TACC2: variants seen among roughly 807,000 people sequenced by gnomAD.
TACC2 encodes transforming acidic coiled-coil-containing protein 2.
A neutral mutation model predicts 227.3 loss-of-function variants in TACC2; 137 were observed. The observed-to-expected ratio is 0.60, with a 90% CI of 0.52 to 0.69. TACC2 has a LOEUF of 0.69. Ranked by LOEUF, TACC2 falls within the 30% of genes least tolerant of loss-of-function variation. The pLI, the probability that TACC2 is intolerant of heterozygous loss-of-function variation, is 0.00. For synonymous variants in TACC2, 1,523 were observed against 1,487.5 expected, an observed-to-expected ratio of 1.02 and a Z score of -0.55; for missense variants, 3,470 against 3,694.4, an observed-to-expected ratio of 0.94 and a Z score of 1.57.
intron 13 of TACC2, among the ~76,000 whole-genome samples, chr10:122,227,548 G>T (rs1398978302): frequency 6.6e-6 from 1 of 152,312 alleles, no homozygotes; most frequent in African/African-American, 2.4e-5. Context: ...GGAAATGGAG[G>T]CACGGTATCC....
At chr10:122,023,364 G>A (rs1957565492) in intron 2 of TACC2, 1 of 152,128 alleles carries the variant, frequency 6.6e-6, no homozygotes, top group African/African-American at 2.4e-5. Flanking sequence ...AGAAAACAAA[G>A]TGTCAAAAGA....
rs977083360 is a variant in TACC2, at chr10:122,163,389, C to T, written c.5834+19683C>T. Reference sequence around the variant, plus strand: ...CCCTCCTTTCTAGGGCCCCAGCTCCCGGGCCGCGGCTCGTTTGCATTTCAA... The same window carrying T: ...CCCTCCTTTCTAGGGCCCCAGCTCCTGGGCCGCGGCTCGTTTGCATTTCAA... On this transcript the variant is annotated intron_variant, in intron 7 of 22. Transcript: ENST00000369005. 3.1e-5 allele frequency: 6 copies of T among 195,466 alleles called. No individual in the cohort carries two copies. In the South Asian group the frequency reaches 7.0e-4, roughly 23 times the overall value. 12.1% of individuals were successfully genotyped at this position (195,466 alleles called of 1,614,324 possible). A position where few individuals can be genotyped will look rare whatever the true frequency, so the allele number is the denominator to read the frequency against.
At chr10:122,063,383 A>C (rs942181946) in intron 3 of TACC2, among the ~76,000 whole-genome samples, 1 of 152,076 alleles carries the variant, frequency 6.6e-6, no homozygotes, top group African/African-American at 2.4e-5. Context: ...CTGACTCATT[A>C]TTTATCTTTG....
rs1321717729 is a variant in TACC2 at position 122,018,193 on chromosome 10, A to G, written c.-45-3744A>G. Among the ~76,000 whole-genome samples the G allele has an allele frequency of 2.6e-5, 4 of 152,026 alleles. No individual in the cohort carries two copies. The South Asian group carries it at 6.3e-4, about 24-fold the overall frequency. ...TGTGTCCATGTGTTCTCAATGTTCA[A>G]CTGCCACTTATGAGTGAGAACATGC... On this transcript the variant is annotated intron_variant, in intron 1 of 22. Coordinates refer to ENST00000369005, the MANE Select transcript of TACC2 (RefSeq NM_206862.4).
intron 2 of TACC2, among the ~76,000 whole-genome samples, chr10:122,037,595 C>T (rs976535331): frequency 6.6e-6 from 1 of 152,234 alleles, no homozygotes; most frequent in African/African-American, 2.4e-5. Flanking sequence ...CCTTGTAAAA[C>T]TCCCTGGCTT....
At chr10:122,123,469 C>T (rs1398921803) in intron 5 of TACC2, among the ~76,000 whole-genome samples, 1 of 152,156 alleles carries the variant, frequency 6.6e-6, no homozygotes, top group East Asian at 1.9e-4. Context: ...CTGGGGAACC[C>T]ACCTTTCAAA....
At chr10:122,211,982 A>G (rs1168482455) in intron 9 of TACC2, among the ~76,000 whole-genome samples, 3 of 152,236 alleles carry the variant, frequency 2.0e-5, no homozygotes, top group Non-Finnish European at 2.9e-5. Flanking sequence ...ACTTGTAGCC[A>G]AAGACCTAAT....
intron 2 of TACC2, among the ~76,000 whole-genome samples, chr10:122,034,206 TGGG>T (rs199542004): frequency 2.4e-5 from 1 of 41,260 alleles, no homozygotes; most frequent in Non-Finnish European, 4.6e-5. Flanking sequence ...GGCTGTTAGG[TGGG>T]TGGTGCACTT....
intron 22 of TACC2, among the ~76,000 whole-genome samples, chr10:122,252,283 CCTTAA>C (rs1262879531): frequency 6.6e-6 from 1 of 152,106 alleles, no homozygotes; most frequent in African/African-American, 2.4e-5. Flanking sequence ...TATACACAAC[CCTTAA>C]CTTCTCTGAG....
rs531794854 is a variant in TACC2 at position 121,994,254 on chromosome 10, C to T, written c.-46+4766C>T. Reference sequence around the variant, plus strand: ...GCTGGTGATGACCTGTCCCTATTTACTAGAAGCACTGCTAATTTTATGCCT... The same window carrying T: ...GCTGGTGATGACCTGTCCCTATTTATTAGAAGCACTGCTAATTTTATGCCT... On this transcript the variant is annotated intron_variant, in intron 1 of 22. Transcript: ENST00000369005. Among the ~76,000 whole-genome samples the T allele has an allele frequency of 9.8e-5, 15 of 152,328 alleles. 1 individual carries two copies. Among genetic ancestry groups the T allele is most frequent in the Middle Eastern group, 6.8e-3 (2 of 294 alleles).
At chr10:122,163,749 GC>G in intron 7 of TACC2, 2 of 1,194,182 alleles carry the variant, frequency 1.7e-6, no homozygotes, top group Non-Finnish European at 2.1e-6. Flanking sequence ...CCCGGCTCGG[GC>G]CGCGAGTCGC....
At chr10:121,995,840 G>T (rs1211434240) in intron 1 of TACC2, among the ~76,000 whole-genome samples, 1 of 151,928 alleles carries the variant, frequency 6.6e-6, no homozygotes, top group East Asian at 1.9e-4. Context: ...TGCAACTTCC[G>T]CCCCCTGGGT....
chr10:122,118,763 G>A (rs1386527283), intron 5 of TACC2, among the ~76,000 whole-genome samples: 2 of 152,184 alleles, frequency 1.3e-5, no homozygotes, highest in African/African-American at 4.8e-5. Context: ...GGTGGCATTT[G>A]TTGAGACTTC....
intron 18 of TACC2, 193 bp from the exon 19 acceptor site, chr10:122,241,765 G>A (rs1314637864): frequency 3.3e-6 from 2 of 612,262 alleles, no homozygotes; most frequent in African/African-American, 1.8e-5. Flanking sequence ...GGATGTTGAA[G>A]GCTTTGCACA....
chr10:122,249,392 G>T, intron 21 of TACC2, 152 bp from the exon 22 acceptor site: 1 of 1,078,214 alleles, frequency 9.3e-7, no homozygotes, highest in Non-Finnish European at 1.3e-6. Flanking sequence ...AATGGAATTG[G>T]GTTTGGTGTT....
Position 122,210,907 on chromosome 10 carries a change from G to C in TACC2, c.6482G>C (p.Ser2161Thr). ...KETQQEPDEE[S>T]LVPSGENLAS... ...ACGCAACAGGAGCCAGATGAAGAGA[G>C]CCTTGTCCCCAGTGGGGAGAATCTA... is the stretch of plus-strand genomic sequence containing the variant. The change falls in exon 9 of 23, where the codon AGC becomes ACC. Residue 2161 changes from serine to threonine, a missense_variant. Coordinates refer to ENST00000369005, the MANE Select transcript of TACC2 (RefSeq NM_206862.4). The surrounding 1 kb of genome is among the most constrained non-coding windows in gnomAD (Gnocchi z 4.6). 1 of 1,613,644 alleles carries C rather than the reference G, an allele frequency of 6.2e-7. No individual in the cohort carries two copies. The highest frequency in any genetic ancestry group is 1.1e-5 in the South Asian group (1 of 91,068).
chr10:122,172,636 C>T (rs2093531252), intron 7 of TACC2, among the ~76,000 whole-genome samples: 3 of 152,330 alleles, frequency 2.0e-5, no homozygotes, highest in Admixed American at 6.5e-5. Flanking sequence ...ACATTTAGAT[C>T]CTGCATGGAA....
chr10:122,074,740 G>A (rs569162767), intron 3 of TACC2, among the ~76,000 whole-genome samples: 1 of 152,224 alleles, frequency 6.6e-6, no homozygotes, highest in Admixed American at 6.5e-5. Flanking sequence ...GCCGAGGACA[G>A]GAATAAAGAC....
intron 5 of TACC2, among the ~76,000 whole-genome samples, chr10:122,132,230 A>G (rs1168904534): frequency 6.6e-6 from 1 of 152,016 alleles, no homozygotes; most frequent in African/African-American, 2.4e-5. Context: ...CCAGATAGAA[A>G]TGTGCTGTTA....
Sources: allele counts gnomAD v4.1 joint callset (sites outside exome capture counted in the v4.1 genomes callset), GRCh38; gene constraint gnomAD v4.1.1; non-coding constraint Gnocchi (gnomAD v3.1); transcripts MANE v1.5; gene names NCBI Gene and HGNC (gene_info 2026-07-23, HGNC 2026-07-21).